Variants in CCDC102B observed in about 807,000 individuals in gnomAD.
CCDC102B encodes coiled-coil domain containing 102B, also known as coiled-coil domain-containing protein 102B.
CCDC102B carries 75 observed loss-of-function variants against 57.4 expected under a neutral mutation model. That is an observed-to-expected ratio of 1.31 (90% confidence interval 1.08 to 1.58). The LOEUF (loss-of-function observed/expected upper bound fraction) is 1.58, where lower values mean the gene tolerates loss of function less well. CCDC102B is among the 40% of genes most tolerant of loss of function. The probability of loss-of-function intolerance (pLI) is 0.00; values close to 1 mark genes in which losing one functional copy is unlikely to be tolerated. For missense variants in CCDC102B, 636 were observed against 582.6 expected, an observed-to-expected ratio of 1.09 and a Z score of -0.94; for synonymous variants, 206 against 201.9, an observed-to-expected ratio of 1.02 and a Z score of -0.17.
At chr18:68,786,353 A>G (rs2035211325) in intron 2 of CCDC102B, among the ~76,000 whole-genome samples, 2 of 138,656 alleles carry the variant, frequency 1.4e-5, no homozygotes, top group Admixed American at 1.5e-4. Flanking sequence ...GTTTTTTCCA[A>G]TTCTGTGAAG....
At chr18:68,787,005 A>G (rs1333915457) in intron 2 of CCDC102B, among the ~76,000 whole-genome samples, 2 of 152,040 alleles carry the variant, frequency 1.3e-5, no homozygotes, top group Non-Finnish European at 1.5e-5. Flanking sequence ...ACGTCCCATC[A>G]ATACCTAATT....
chr18:68,948,829 T>C (rs1226278616), intron 6 of CCDC102B, among the ~76,000 whole-genome samples: 1 of 152,144 alleles, frequency 6.6e-6, no homozygotes, highest in Non-Finnish European at 1.5e-5. Flanking sequence ...TTCTCTCATA[T>C]ACTTGTGGTC....
intron 4 of CCDC102B, among the ~76,000 whole-genome samples, chr18:68,862,622 A>C (rs1375258828): frequency 2.0e-5 from 3 of 152,148 alleles, no homozygotes; most frequent in African/African-American, 7.2e-5. Context: ...TATGTCAAAG[A>C]GTAATAATGT....
At chr18:68,725,104 C>T (rs2032533370) in intron 2 of CCDC102B, among the ~76,000 whole-genome samples, 1 of 152,176 alleles carries the variant, frequency 6.6e-6, no homozygotes, top group Admixed American at 6.5e-5. Context: ...CATCAGATCT[C>T]ATGAGAACTC....
intron 2 of CCDC102B, among the ~76,000 whole-genome samples, chr18:68,782,789 C>A (rs2144638297): frequency 6.6e-6 from 1 of 152,176 alleles, no homozygotes; most frequent in South Asian, 2.1e-4. Flanking sequence ...TTGTGCTAGT[C>A]ATGTTTCATA....
At chr18:69,041,696 T>G (rs2145475018) in intron 7 of CCDC102B, among the ~76,000 whole-genome samples, 1 of 152,180 alleles carries the variant, frequency 6.6e-6, no homozygotes, top group African/African-American at 2.4e-5. Flanking sequence ...GCAGTCTATC[T>G]TATGAATTTT....
chr18:68,955,282 G>A (rs1171613799), intron 6 of CCDC102B, among the ~76,000 whole-genome samples: 2 of 152,040 alleles, frequency 1.3e-5, no homozygotes, highest in African/African-American at 2.4e-5. Flanking sequence ...AACACAATAG[G>A]AAAATCACAC....
chr18:68,819,296 G>A (rs1445328805), intron 1 of CCDC102B, among the ~76,000 whole-genome samples: 1 of 151,994 alleles, frequency 6.6e-6, no homozygotes, highest in African/African-American at 2.4e-5. Context: ...TGATGTAGCT[G>A]TTAGTTCCAT....
At chr18:68,850,343 G>A (rs529128835) in intron 4 of CCDC102B, among the ~76,000 whole-genome samples, 32 of 152,128 alleles carry the variant, frequency 2.1e-4, no homozygotes, top group African/African-American at 6.5e-4. Context: ...GGCTTACATC[G>A]GGAGAGCTGG....
At chr18:68,716,479 TG>T (rs1267983551) in intron 1 of CCDC102B, 11 of 152,236 alleles carry the variant, frequency 7.2e-5, no homozygotes, top group African/African-American at 2.4e-5. Flanking sequence ...GCTTTTGAAA[TG>T]TGCCTAGTGT....
chr18:68,728,421 T>G (rs141385238), intron 2 of CCDC102B, among the ~76,000 whole-genome samples: 1 of 152,206 alleles, frequency 6.6e-6, no homozygotes, highest in Non-Finnish European at 1.5e-5. Context: ...TACCCAAAGA[T>G]TGAACAACAG....
chr18:68,874,376 T>C (rs1192671193), intron 4 of CCDC102B, among the ~76,000 whole-genome samples: 1 of 151,896 alleles, frequency 6.6e-6, no homozygotes, highest in East Asian at 1.9e-4. Context: ...TAGAAACCAG[T>C]TGGTCAATTG....
At chr18:68,816,828 A>C (rs570525244) in intron 1 of CCDC102B, among the ~76,000 whole-genome samples, 2 of 152,314 alleles carry the variant, frequency 1.3e-5, no homozygotes, top group African/African-American at 4.8e-5. Context: ...GCTATTGACT[A>C]TTTTAAGATC....
At chr18:68,922,802 C>A (rs2041330213) in intron 6 of CCDC102B, among the ~76,000 whole-genome samples, 1 of 147,930 alleles carries the variant, frequency 6.8e-6, no homozygotes, top group African/African-American at 2.4e-5. Context: ...AATAAGGTTC[C>A]CATTGGGGGA....
chr18:68,844,742 A>T (rs1485720826), intron 3 of CCDC102B, among the ~76,000 whole-genome samples: 6 of 151,836 alleles, frequency 4.0e-5, no homozygotes, highest in East Asian at 1.9e-4. Flanking sequence ...TTATTTCTCT[A>T]TTTAATTATT....
At chr18:68,847,252 A>G (rs2037910268) in intron 4 of CCDC102B, among the ~76,000 whole-genome samples, 1 of 151,686 alleles carries the variant, frequency 6.6e-6, no homozygotes, top group Non-Finnish European at 1.5e-5. Flanking sequence ...ATGCACAGGA[A>G]CCTCTCTGGG....
chr18:68,787,259 T>C (rs1371094903), intron 2 of CCDC102B, among the ~76,000 whole-genome samples: 2 of 151,376 alleles, frequency 1.3e-5, no homozygotes, highest in East Asian at 3.9e-4. Flanking sequence ...TTTGCATCAA[T>C]GTTCATCAAG....
At chr18:68,803,024 A>C (rs570635565) in intron 1 of CCDC102B, among the ~76,000 whole-genome samples, 1 of 152,350 alleles carries the variant, frequency 6.6e-6, no homozygotes, top group South Asian at 2.1e-4. Context: ...TACTTGGAAG[A>C]ATGAAGTTGC....
chr18:68,740,016 C>G (rs1009903789), intron 2 of CCDC102B, among the ~76,000 whole-genome samples: 9 of 152,194 alleles, frequency 5.9e-5, no homozygotes, highest in Non-Finnish European at 4.4e-5. Flanking sequence ...TATTGAAACA[C>G]AGTCCTGTGT....
Sources: allele counts gnomAD v4.1 joint callset (sites outside exome capture counted in the v4.1 genomes callset), GRCh38; gene constraint gnomAD v4.1.1; transcripts MANE v1.5; gene names NCBI Gene and HGNC (gene_info 2026-07-23, HGNC 2026-07-21).